ANO4: variants seen among roughly 807,000 people sequenced by gnomAD.
ANO4 encodes the protein anoctamin-4.
Under a neutral mutation model 141.9 loss-of-function variants are expected in ANO4, and 69 were observed. The ratio of observed to expected loss-of-function variants is 0.49; its 90% CI spans 0.40 to 0.59. ANO4 has a LOEUF of 0.59. Among genes scored for constraint, ANO4 ranks in the 20% least tolerant of loss-of-function variants. ANO4 has a pLI of 0.00. For missense variants in ANO4, 894 were observed against 1,162.2 expected, an observed-to-expected ratio of 0.77 and a Z score of 3.36; for synonymous variants, 350 against 394.3, an observed-to-expected ratio of 0.89 and a Z score of 1.33.
At chr12:100,926,022 T>G (rs1280757483) in intron 3 of ANO4, among the ~76,000 whole-genome samples, 1 of 151,878 alleles carries the variant, frequency 6.6e-6, no homozygotes, top group African/African-American at 2.4e-5. Context: ...ATAGATAAGA[T>G]TTTCTCCATT....
intron 5 of ANO4, among the ~76,000 whole-genome samples, chr12:100,946,884 T>C (rs2042748630): frequency 6.6e-6 from 1 of 152,160 alleles, no homozygotes; most frequent in Non-Finnish European, 1.5e-5. Flanking sequence ...GAGTGTGTGG[T>C]TCAGGAGAGA....
intron 8 of ANO4, among the ~76,000 whole-genome samples, chr12:100,989,728 TGGGTGGATAGATGGATGG>T (rs2044972417): frequency 3.6e-5 from 5 of 139,696 alleles, no homozygotes; most frequent in South Asian, 2.5e-4. Context: ...GATGGATGGA[TGGGTGGATAGATGGATGG>T]ATATATGGAT....
chr12:100,818,237 T>A (rs2035842091), intron 1 of ANO4, among the ~76,000 whole-genome samples: 1 of 151,918 alleles, frequency 6.6e-6, no homozygotes, highest in Non-Finnish European at 1.5e-5. Flanking sequence ...CACAAGTAAT[T>A]CTTGTTAAAC....
intron 1 of ANO4, among the ~76,000 whole-genome samples, chr12:100,865,463 G>T (rs1396264231): frequency 6.6e-6 from 1 of 151,900 alleles, no homozygotes; most frequent in Non-Finnish European, 1.5e-5. Flanking sequence ...ACAAATTTAT[G>T]AGAAAAAAAC....
chr12:100,905,507 G>A (rs1379375032), intron 2 of ANO4, among the ~76,000 whole-genome samples: 1 of 152,192 alleles, frequency 6.6e-6, no homozygotes, highest in Non-Finnish European at 1.5e-5. Flanking sequence ...AATAAGATGA[G>A]GACTGAGAAT....
At chr12:100,926,514 C>T (rs2041876468) in intron 3 of ANO4, among the ~76,000 whole-genome samples, 1 of 152,006 alleles carries the variant, frequency 6.6e-6, no homozygotes, top group South Asian at 2.1e-4. Flanking sequence ...GTTTTCAGAT[C>T]ACGTCTTGTT....
chr12:101,029,158 C>A (rs1349028227), intron 9 of ANO4, among the ~76,000 whole-genome samples: 3 of 152,194 alleles, frequency 2.0e-5, no homozygotes, highest in Admixed American at 2.0e-4. Context: ...CCCACGCTGG[C>A]CTTGCAAGAG....
At chr12:100,840,821 G>A (rs986516771) in intron 1 of ANO4, among the ~76,000 whole-genome samples, 2 of 152,072 alleles carry the variant, frequency 1.3e-5, no homozygotes, top group African/African-American at 4.8e-5. Flanking sequence ...CTGTGAATTG[G>A]CCAAAGGCAT....
At chr12:101,048,571 G>A (rs963724867) in intron 14 of ANO4, among the ~76,000 whole-genome samples, 170 bp downstream of exon 14, 1 of 152,168 alleles carries the variant, frequency 6.6e-6, no homozygotes, top group African/African-American at 2.4e-5. Flanking sequence ...AAACGATATT[G>A]TAGAAGAGAG....
chr12:100,748,573 G>T (rs999866353), intron 3 of ANO4, among the ~76,000 whole-genome samples: 2 of 152,178 alleles, frequency 1.3e-5, no homozygotes, highest in South Asian at 4.1e-4. Flanking sequence ...TTTAAAGTGG[G>T]TTTCTTCTAG....
intron 22 of ANO4, among the ~76,000 whole-genome samples, chr12:101,109,572 A>T (rs949476067): frequency 1.4e-4 from 21 of 152,172 alleles, no homozygotes; most frequent in African/African-American, 4.8e-4. Context: ...AAAAAAAACA[A>T]AAAACAAAAC....
At chr12:100,951,630 C>G (rs575611425) in intron 5 of ANO4, among the ~76,000 whole-genome samples, 1 of 152,246 alleles carries the variant, frequency 6.6e-6, no homozygotes, top group Admixed American at 6.5e-5. Flanking sequence ...GGGAGCTGAA[C>G]GATGAGAACA....
At chr12:100,985,504 T>C (rs75392153) in intron 7 of ANO4, among the ~76,000 whole-genome samples, 14,773 of 152,226 alleles carry the variant, frequency 0.097, 856 homozygotes, top group Admixed American at 0.18. Flanking sequence ...GTTAAATCAC[T>C]TGCCCAAGGT....
intron 15 of ANO4, among the ~76,000 whole-genome samples, chr12:101,080,866 A>ATATATATATATATTT (rs1491296105): frequency 1.3e-4 from 3 of 22,656 alleles, no homozygotes; most frequent in East Asian, 8.1e-3. Flanking sequence ...TAGGTTCTAG[A>ATATATATATATATTT]TATATATATA....
chr12:101,066,967 T>A, intron 14 of ANO4: 1 of 658,042 alleles, frequency 1.5e-6, no homozygotes. Flanking sequence ...TACATGACAC[T>A]CTTCATGTAC....
chr12:100,792,572 TA>T (rs2135620519), upstream of ANO4, among the ~76,000 whole-genome samples: 1 of 152,356 alleles, frequency 6.6e-6, no homozygotes, highest in African/African-American at 2.4e-5. Context: ...GTCATTTTTT[TA>T]GTAGAGAGGA....
chr12:100,894,755 A>G (rs2040262133), intron 1 of ANO4, among the ~76,000 whole-genome samples: 1 of 152,022 alleles, frequency 6.6e-6, no homozygotes, highest in South Asian at 2.1e-4. Flanking sequence ...TCACGAGGTC[A>G]GGAGATTGAG....
chr12:100,828,378 C>T (rs1313577971), intron 1 of ANO4, among the ~76,000 whole-genome samples: 2 of 151,994 alleles, frequency 1.3e-5, no homozygotes, highest in Admixed American at 6.6e-5. Context: ...AGAGTCAAGG[C>T]CCTGGGTCTC....
rs182298723 is a variant in ANO4, at chr12:100,951,994, G to T, written c.456+9459G>T. Among the ~76,000 whole-genome samples, 19 of 152,082 alleles carry T rather than the reference G, an allele frequency of 1.2e-4. No homozygotes were observed. In the South Asian group the frequency reaches 3.7e-3, roughly 30 times the overall value. On this transcript the variant is annotated intron_variant, in intron 5 of 27. Coordinates refer to ENST00000392977, the MANE Select transcript of ANO4 (RefSeq NM_001286615.2). The stretch of plus-strand genomic sequence containing the variant: ...CAAGCATTGTCACATGTCCTGGTGT[G>T]GGGGGAGGGAGGAATCATCCCTAGC...
Sources: gnomAD v4.1 joint callset for allele counts (sites outside exome capture counted in the v4.1 genomes callset) on GRCh38, gnomAD v4.1.1 for gene constraint, MANE v1.5 for transcripts, NCBI Gene and HGNC (gene_info 2026-07-23, HGNC 2026-07-21) for gene names.